Variants in HSPBAP1 observed in about 807,000 individuals in gnomAD.
The protein encoded by HSPBAP1 is HSPB1 associated protein 1.
A neutral mutation model predicts 45.2 loss-of-function variants in HSPBAP1; 27 were observed. The ratio of observed to expected loss-of-function variants is 0.60; its 90% CI spans 0.44 to 0.82. The LOEUF is 0.82. HSPBAP1 is among the 40% of genes least tolerant of loss of function. The pLI, the probability that HSPBAP1 is intolerant of heterozygous loss-of-function variation, is 0.00. For missense variants in HSPBAP1, 510 were observed against 590.9 expected (o/e 0.86, Z 1.42); for synonymous variants, 204 against 202.7 (o/e 1.01, Z -0.06).
At chr3:122,746,804 C>T (rs1011557553) in intron 6 of HSPBAP1, among the ~76,000 whole-genome samples, 2 of 152,134 alleles carry the variant, frequency 1.3e-5, no homozygotes, top group East Asian at 1.9e-4. Flanking sequence ...AGGCGCGCGC[C>T]GCCACGCCTG....
intron 1 of HSPBAP1, among the ~76,000 whole-genome samples, chr3:122,781,159 C>A (rs1275668656): frequency 6.6e-6 from 1 of 151,044 alleles, no homozygotes; most frequent in African/African-American, 2.4e-5. Context: ...GGGTGGCGGC[C>A]GGGCAGAGGC....
At position 122,768,734 on chromosome 3, in the gene HSPBAP1, G is replaced by T; in HGVS notation, c.399C>A (p.Val133=). The stretch of plus-strand genomic sequence containing the variant: ...GATCTGTCTTGTCTTCAAATAGACT[G>T]ACAAAATATTTATAGTCAGCATAAG... The part of the protein sequence containing the change: ...FWAYADYKYF[V]SLFEDKTDLF... The change falls in exon 3 of 8, where the codon GTC becomes GTA. Residue 133 remains valine, a synonymous_variant. Coordinates refer to ENST00000306103, the MANE Select transcript of HSPBAP1 (RefSeq NM_024610.6). The T allele has an allele frequency of 6.2e-7, 1 of 1,612,482 alleles. No individual in the cohort carries two copies. Among genetic ancestry groups the T allele is most frequent in the Non-Finnish European group, 8.5e-7 (1 of 1,178,604 alleles).
chr3:122,768,846 G>A lies in HSPBAP1; in HGVS notation c.287C>T (p.Ala96Val). The A allele has an allele frequency of 6.2e-7, 1 of 1,612,478 alleles. No individual in the cohort carries two copies. Among genetic ancestry groups the A allele is most frequent in the African/African-American group, 1.3e-5 (1 of 75,004 alleles). ...CCAGGTCAGAAACTCTTCGAGTGTA[G>A]CTTCTACGTAATTACATGTAGTTTC... ...QFETTCNYVE[A>V]TLEEFLTWNC... The change falls in exon 3 of 8, where the codon GCT becomes GTT. Residue 96 changes from alanine to valine, a missense_variant. Coordinates refer to ENST00000306103, the MANE Select transcript of HSPBAP1 (RefSeq NM_024610.6).
intron 1 of HSPBAP1, among the ~76,000 whole-genome samples, chr3:122,790,770 C>T (rs1038317236): frequency 5.3e-5 from 8 of 152,028 alleles, no homozygotes; most frequent in African/African-American, 1.9e-4. Flanking sequence ...TCACTTGAGG[C>T]CAGGAGTTCG....
intron 6 of HSPBAP1, 93 bp from the exon 7 acceptor site, chr3:122,741,206 C>T: frequency 1.1e-6 from 1 of 930,536 alleles, no homozygotes; most frequent in South Asian, 1.4e-5. Context: ...TCTGTTCTCT[C>T]ATTAATATAA....
rs543534540 is a variant in HSPBAP1 at position 122,780,818 on chromosome 3, G to A, written c.65-2912C>T. ...TCAGACGGGGCGGTTGCCAGGCAGA[G>A]GGTCTCCTCACTTCTCAGACGGGGC... On this transcript the variant is annotated intron_variant, in intron 1 of 7. Coordinates refer to ENST00000306103, the MANE Select transcript of HSPBAP1 (RefSeq NM_024610.6). Among the ~76,000 whole-genome samples, 991 of 149,362 alleles carry A rather than the reference G, an allele frequency of 6.6e-3. 7 individuals carry two copies. The highest frequency in any genetic ancestry group is 0.012 in the Non-Finnish European group (789 of 66,904).
At chr3:122,752,768 G>T in intron 5 of HSPBAP1, 94 bp from the exon 6 acceptor site, 1 of 1,393,410 alleles carries the variant, frequency 7.2e-7, no homozygotes, top group East Asian at 2.6e-5. Context: ...GGAAAAAAAG[G>T]AATACAAATG....
At chr3:122,790,023 C>G (rs1258284897) in intron 1 of HSPBAP1, among the ~76,000 whole-genome samples, 1 of 152,094 alleles carries the variant, frequency 6.6e-6, no homozygotes, top group Non-Finnish European at 1.5e-5. Flanking sequence ...CCACCATGCC[C>G]AGTTTATTTT....
At chr3:122,747,308 AC>A (rs1483317072) in intron 6 of HSPBAP1, among the ~76,000 whole-genome samples, 4 of 145,710 alleles carry the variant, frequency 2.7e-5, no homozygotes, top group African/African-American at 1.0e-4. Context: ...CCCGGCCGCG[AC>A]CCCATCTAGG....
intron 6 of HSPBAP1, among the ~76,000 whole-genome samples, chr3:122,743,323 A>G (rs144141679): frequency 0.032 from 4,911 of 152,264 alleles, 109 homozygotes; most frequent in Middle Eastern, 0.071. Flanking sequence ...TAATCCTGGC[A>G]TTTTGGGAGG....
chr3:122,793,572 G>A (rs768526597), intron 1 of HSPBAP1, 45 bp downstream of exon 1: 8 of 1,578,838 alleles, frequency 5.1e-6, no homozygotes, highest in East Asian at 2.2e-5. Flanking sequence ...AGAGTCAACT[G>A]GCATTGGGTT....
chr3:122,768,938 T>G, intron 2 of HSPBAP1, 56 bp from the exon 3 acceptor site: 1 of 1,156,000 alleles, frequency 8.7e-7, no homozygotes, highest in Non-Finnish European at 1.2e-6. Context: ...TCCTAATTAT[T>G]GTTTTTTTTT....
intron 1 of HSPBAP1, among the ~76,000 whole-genome samples, chr3:122,791,299 T>C (rs1483944397): frequency 2.0e-5 from 3 of 152,244 alleles, no homozygotes; most frequent in East Asian, 1.9e-4. Context: ...ATTCCTTAAC[T>C]AGGCCTAAGG....
At chr3:122,789,180 T>A (rs4678215) in intron 1 of HSPBAP1, among the ~76,000 whole-genome samples, 84,082 of 152,076 alleles carry the variant, frequency 0.55, 24,141 homozygotes, top group Non-Finnish European at 0.65. Context: ...CTGAAAAAGA[T>A]AAATCCAGTT....
chr3:122,748,186 TGCTC>T (rs1258245287), intron 6 of HSPBAP1, among the ~76,000 whole-genome samples: 1 of 152,116 alleles, frequency 6.6e-6, no homozygotes, highest in Non-Finnish European at 1.5e-5. Flanking sequence ...GAAGGCAGCG[TGCTC>T]GTTGAGAGTC....
At chr3:122,747,057 C>T (rs979354282) in intron 6 of HSPBAP1, among the ~76,000 whole-genome samples, 1 of 151,428 alleles carries the variant, frequency 6.6e-6, no homozygotes, top group Admixed American at 6.6e-5. Context: ...GAGATTGCAG[C>T]CTCTGCCCGG....
chr3:122,779,034 C>CT (rs201429620), intron 1 of HSPBAP1, among the ~76,000 whole-genome samples: 12,660 of 146,998 alleles, frequency 0.086, 678 homozygotes, highest in African/African-American at 0.15. Flanking sequence ...CATTTTCTTT[C>CT]TTTTTCTTTT....
intron 5 of HSPBAP1, chr3:122,753,222 G>T: frequency 4.5e-6 from 1 of 220,462 alleles, no homozygotes; most frequent in Non-Finnish European, 7.7e-6. Flanking sequence ...TTGAACCCGG[G>T]CTAGGAGAGA....
intron 5 of HSPBAP1, chr3:122,753,834 T>A (rs980702715): frequency 4.3e-5 from 42 of 984,782 alleles, no homozygotes; most frequent in Non-Finnish European, 4.8e-5. Context: ...TTTGAGTGGA[T>A]TAAAGAATGG....
Sources: gnomAD v4.1 joint callset for allele counts (sites outside exome capture counted in the v4.1 genomes callset) on GRCh38, gnomAD v4.1.1 for gene constraint, MANE v1.5 for transcripts, NCBI Gene and HGNC (gene_info 2026-07-23, HGNC 2026-07-21) for gene names.